Variants in ZBTB20 observed in about 807,000 individuals in gnomAD.
ZBTB20 encodes zinc finger and BTB domain containing 20, also known as zinc finger and BTB domain-containing protein 20.
Under a neutral mutation model 56.9 loss-of-function variants are expected in ZBTB20, and 9 were observed. The ratio of observed to expected loss-of-function variants is 0.16; its 90% CI spans 0.10 to 0.28. ZBTB20 has a LOEUF of 0.28. ZBTB20 is among the 10% of genes least tolerant of loss of function. ZBTB20 has a pLI of 1.00. For missense variants in ZBTB20, 655 were observed against 1,003.0 expected, an observed-to-expected ratio of 0.65 and a Z score of 4.69; for synonymous variants, 417 against 420.7, an observed-to-expected ratio of 0.99 and a Z score of 0.11.
intron 6 of ZBTB20, among the ~76,000 whole-genome samples, chr3:114,601,101 G>A (rs2056729688): frequency 6.6e-6 from 1 of 151,998 alleles, no homozygotes; most frequent in Admixed American, 6.6e-5. Flanking sequence ...CTAATGAGGG[G>A]CACAAAAGCC....
intron 4 of ZBTB20, among the ~76,000 whole-genome samples, chr3:114,895,561 A>G (rs1194375545): frequency 6.6e-6 from 1 of 152,174 alleles, no homozygotes; most frequent in African/African-American, 2.4e-5. Context: ...GAGTCTAATT[A>G]TGTTGAACTG....
intron 3 of ZBTB20, among the ~76,000 whole-genome samples, chr3:114,953,705 A>C (rs1195372420): frequency 6.6e-6 from 1 of 152,104 alleles, no homozygotes; most frequent in East Asian, 1.9e-4. Flanking sequence ...TTCAAAATAC[A>C]TGAAGACATA....
intron 5 of ZBTB20, among the ~76,000 whole-genome samples, chr3:114,741,930 T>C (rs1578639556): frequency 6.9e-6 from 1 of 144,594 alleles, no homozygotes; most frequent in Non-Finnish European, 1.5e-5. Context: ...TCAGGGAAAA[T>C]GGGAAAATGA....
At chr3:114,694,934 T>A (rs2062914753) in intron 5 of ZBTB20, among the ~76,000 whole-genome samples, 1 of 152,112 alleles carries the variant, frequency 6.6e-6, no homozygotes, top group South Asian at 2.1e-4. Flanking sequence ...GAGTTCTGTA[T>A]CAGATTTCTT....
At chr3:114,473,334 T>C in intron 7 of ZBTB20, among the ~76,000 whole-genome samples, 1 of 152,132 alleles carries the variant, frequency 6.6e-6, no homozygotes, top group Non-Finnish European at 1.5e-5. Flanking sequence ...AGGAGAGAGG[T>C]GGAGTATTTA....
At chr3:114,854,936 T>C (rs2075175474) in intron 4 of ZBTB20, among the ~76,000 whole-genome samples, 1 of 152,340 alleles carries the variant, frequency 6.6e-6, no homozygotes, top group South Asian at 2.1e-4. Flanking sequence ...ACTAATCTTA[T>C]AGTTCCAATA....
At chr3:114,690,665 C>G (rs1267594337) in intron 6 of ZBTB20, among the ~76,000 whole-genome samples, 1 of 152,118 alleles carries the variant, frequency 6.6e-6, no homozygotes, top group East Asian at 1.9e-4. Flanking sequence ...TCTTTCCCCC[C>G]AAACATGTTG....
chr3:114,485,471 A>G (rs2042013086), intron 7 of ZBTB20, among the ~76,000 whole-genome samples: 1 of 152,224 alleles, frequency 6.6e-6, no homozygotes, highest in Non-Finnish European at 1.5e-5. Context: ...TCCTCTCTGA[A>G]GAACATCTCC....
chr3:114,681,503 G>A (rs967649331), intron 6 of ZBTB20, among the ~76,000 whole-genome samples: 5 of 152,182 alleles, frequency 3.3e-5, no homozygotes, highest in African/African-American at 1.2e-4. Flanking sequence ...TTATTAGAAG[G>A]CTGGGAGCCA....
At chr3:114,636,487 G>A (rs1040658963) in intron 6 of ZBTB20, among the ~76,000 whole-genome samples, 1 of 151,972 alleles carries the variant, frequency 6.6e-6, no homozygotes, top group Non-Finnish European at 1.5e-5. Flanking sequence ...ATTTGTTAAT[G>A]GATACACAGT....
intron 1 of ZBTB20, among the ~76,000 whole-genome samples, chr3:115,101,317 AAC>A (rs1462784062): frequency 9.2e-5 from 14 of 152,204 alleles, no homozygotes; most frequent in Admixed American, 6.5e-4. Flanking sequence ...AGAGAAAAAA[AAC>A]AGTTTTTCTT....
At chr3:115,042,911 G>A (rs1293494316) in intron 2 of ZBTB20, among the ~76,000 whole-genome samples, 1 of 152,110 alleles carries the variant, frequency 6.6e-6, no homozygotes, top group Non-Finnish European at 1.5e-5. Flanking sequence ...GAAGAAAGGG[G>A]ACTAATATCT....
intron 4 of ZBTB20, among the ~76,000 whole-genome samples, chr3:114,883,916 C>CCTCTTT (rs1223732179): frequency 3.3e-5 from 3 of 89,774 alleles, no homozygotes; most frequent in African/African-American, 1.2e-4. Flanking sequence ...ATGGTGTGTT[C>CCTCTTT]TTTTTTTTTT....
At chr3:115,119,740 T>C (rs1008701756) in intron 1 of ZBTB20, among the ~76,000 whole-genome samples, 2 of 152,182 alleles carry the variant, frequency 1.3e-5, no homozygotes, top group African/African-American at 2.4e-5. Flanking sequence ...TTCTCAAATA[T>C]TCAATTTCAC....
chr3:114,395,297 T>C (rs1576576870), intron 7 of ZBTB20, among the ~76,000 whole-genome samples: 1 of 151,928 alleles, frequency 6.6e-6, no homozygotes, highest in African/African-American at 2.4e-5. Flanking sequence ...AAAAAAGAGT[T>C]AGAAAGTGTA....
Position 114,856,770 on chromosome 3 carries a change from G to A in ZBTB20, c.-417+43534C>T, listed in dbSNP as rs575457507. ...TCAAATTCCAATTTAAAGCCAGGGC[G>A]AGCAATTAACTTTTCTATCATCTTG... On this transcript the variant is annotated intron_variant, in intron 4 of 11. Coordinates refer to ENST00000675478, the MANE Select transcript of ZBTB20 (RefSeq NM_001348800.3). Among the ~76,000 whole-genome samples the A allele has an allele frequency of 6.4e-4, 97 of 152,090 alleles. 1 individual carries two copies. Among genetic ancestry groups the A allele is most frequent in the Non-Finnish European group, 1.2e-3 (83 of 68,014 alleles).
chr3:114,597,288 A>G (rs1294110076), intron 6 of ZBTB20, among the ~76,000 whole-genome samples: 1 of 152,212 alleles, frequency 6.6e-6, no homozygotes, highest in African/African-American at 2.4e-5. Flanking sequence ...TTTCCACAGA[A>G]AACATCTGCC....
At chr3:114,826,454 A>T (rs1369289859) in intron 4 of ZBTB20, among the ~76,000 whole-genome samples, 1 of 151,820 alleles carries the variant, frequency 6.6e-6, no homozygotes, top group South Asian at 2.1e-4. Flanking sequence ...ATAACAATTA[A>T]TCAATGCCAA....
At chr3:114,972,749 A>C (rs2077938118) in intron 3 of ZBTB20, among the ~76,000 whole-genome samples, 1 of 152,180 alleles carries the variant, frequency 6.6e-6, no homozygotes, top group South Asian at 2.1e-4. Flanking sequence ...TTTAAATATA[A>C]ACCTGAAATG....
Sources: gnomAD v4.1 joint callset for allele counts (sites outside exome capture counted in the v4.1 genomes callset) on GRCh38, gnomAD v4.1.1 for gene constraint, MANE v1.5 for transcripts, NCBI Gene and HGNC (gene_info 2026-07-23, HGNC 2026-07-21) for gene names.